Variants in VPS13C observed in about 807,000 individuals in gnomAD.
VPS13C encodes intermembrane lipid transfer protein VPS13C.
Under a neutral mutation model 456.8 loss-of-function variants are expected in VPS13C, and 358 were observed. That is an observed-to-expected ratio of 0.78 (90% CI 0.72 to 0.86). The LOEUF (loss-of-function observed/expected upper bound fraction) is 0.86, where lower values mean the gene tolerates loss of function less well. VPS13C is among the 40% of genes least tolerant of loss of function. The pLI, the probability that VPS13C is intolerant of heterozygous loss-of-function variation, is 0.00. For missense variants in VPS13C, 4,818 were observed against 4,385.4 expected (o/e 1.10, Z -2.79); for synonymous variants, 1,578 against 1,486.7 (o/e 1.06, Z -1.41).
At chr15:61,910,076 T>C (rs1033672169) in intron 64 of VPS13C, 101 bp downstream of exon 64, 1 of 640,122 alleles carries the variant, frequency 1.6e-6, no homozygotes, top group Non-Finnish European at 2.0e-6. Flanking sequence ...TGTATACATA[T>C]GTAACAAACC....
chr15:62,050,473 A>C (rs1486602507), intron 1 of VPS13C, among the ~76,000 whole-genome samples: 2 of 152,216 alleles, frequency 1.3e-5, no homozygotes, highest in Non-Finnish European at 2.9e-5. Flanking sequence ...ATAGTTTCAA[A>C]GCCAATCTTG....
In VPS13C at chr15:61,925,548, C is replaced by T; in HGVS notation, c.6517G>A (p.Val2173Ile). The T allele has an allele frequency of 6.3e-7, 1 of 1,577,374 alleles. No homozygotes were observed. The highest frequency in any genetic ancestry group is 8.6e-7 in the Non-Finnish European group (1 of 1,164,174). Residue 2173 changes from valine (V) to isoleucine (I), a missense_variant and splice_region_variant, in exon 53 of 85, where the codon GTC (valine) becomes ATC (isoleucine). Coordinates refer to ENST00000644861, the MANE Select transcript of VPS13C (RefSeq NM_020821.3). ...REKRGKNITTVLQPCSLFMEK... is the reference protein window; with the variant it reads ...REKRGKNITTILQPCSLFMEK... ...ATAAATAAAGAACAGGGCTGCAAGA[C>T]CTATAAACAGATAAATGAAATTCAC... is the stretch of plus-strand genomic sequence containing the variant.
At chr15:61,884,681 T>C (rs1335915609) in intron 67 of VPS13C, among the ~76,000 whole-genome samples, 2 of 147,602 alleles carry the variant, frequency 1.4e-5, no homozygotes, top group African/African-American at 5.2e-5. Context: ...AACAAGTCTA[T>C]TAATGAAAAA....
At chr15:61,950,658 A>G (rs570484974) in intron 40 of VPS13C, among the ~76,000 whole-genome samples, 1 of 152,152 alleles carries the variant, frequency 6.6e-6, no homozygotes, top group East Asian at 1.9e-4. Context: ...ATGCTAGTAT[A>G]TCTAGATTAG....
chr15:62,020,606 AG>A (rs1465591177), intron 8 of VPS13C, 68 bp from the exon 9 acceptor site: 1 of 1,475,656 alleles, frequency 6.8e-7, no homozygotes, highest in Non-Finnish European at 9.4e-7. Flanking sequence ...CCTTTACAAT[AG>A]GCAGCAGAGG....
rs1567137060 is a variant in VPS13C, at chr15:62,037,330, AC to A, written c.188-2279del. Among the ~76,000 whole-genome samples, 71 of 85,844 alleles carry A rather than the reference AC, an allele frequency of 8.3e-4. 5 individuals carry two copies. Among genetic ancestry groups the A allele is most frequent in the East Asian group, 2.5e-3 (9 of 3,658 alleles). 56.3% of individuals were successfully genotyped at this position (85,844 alleles called of 152,430 possible). On this transcript the variant is annotated intron_variant, in intron 3 of 84. Coordinates refer to ENST00000644861, the MANE Select transcript of VPS13C (RefSeq NM_020821.3). ...TATATAAATATATTATATATTATAT[AC>A]ATTTATATATAATATATTATATATA...
Position 61,854,242 on chromosome 15 carries a change from G to A in VPS13C, c.*215C>T, listed in dbSNP as rs1893787480. On this transcript the variant is annotated 3_prime_UTR_variant, in exon 85 of 85. Transcript: ENST00000644861. ...CTTCAAGGGTCTGACCCATTTGGGTGGTGGCGTAGAAGTGGACTGCTAGCA... is the reference window on the plus strand; with the variant it reads ...CTTCAAGGGTCTGACCCATTTGGGTAGTGGCGTAGAAGTGGACTGCTAGCA... The A allele has an allele frequency of 1.7e-6, 1 of 578,586 alleles. No homozygotes were observed. Among genetic ancestry groups the A allele is most frequent in the East Asian group, 2.8e-5 (1 of 35,286 alleles). The allele number at this position is 578,586 out of a possible 1,614,324, so 35.8% of individuals were successfully genotyped here. A position where few individuals can be genotyped will look rare whatever the true frequency, so the allele number is the denominator to read the frequency against.
In VPS13C at chr15:61,942,005, T is replaced by C; in HGVS notation, c.5211A>G (p.Ala1737=). Residue 1737 remains alanine (A), a synonymous_variant, in exon 46 of 85, where the codon GCA becomes GCG. Coordinates refer to ENST00000644861, the MANE Select transcript of VPS13C (RefSeq NM_020821.3). ...EALSTATVQA[A]ERAASSMKDL... ...CTTTCATGCTGGAAGCAGCTCTTTC[T>C]GCAGCCTGGACTGTGGCTGTACTCA... is the stretch of plus-strand genomic sequence containing the variant. 6 of 1,614,060 alleles carry C rather than the reference T, an allele frequency of 3.7e-6. No homozygotes were observed. Among genetic ancestry groups the C allele is most frequent in the Non-Finnish European group, 4.2e-6 (5 of 1,179,906 alleles).
Position 61,920,165 on chromosome 15 carries a change from T to C in VPS13C, c.7379A>G (p.Gln2460Arg). The change falls in exon 57 of 85, where the codon CAG becomes CGG. Residue 2460 changes from glutamine (Q) to arginine (R), a missense_variant. Physicochemically the swap from Gln to Arg is conservative, Grantham distance 43. Coordinates refer to ENST00000644861, the MANE Select transcript of VPS13C (RefSeq NM_020821.3). ...KSDIFDVDAG[Q>R]NLELEYASMV... ...GCTGGCATACTCCAGTTCCAAATTCTGGCCAGCATCAACATCAAAAATATC... is the reference window on the plus strand; with the variant it reads ...GCTGGCATACTCCAGTTCCAAATTCCGGCCAGCATCAACATCAAAAATATC... The C allele has an allele frequency of 6.2e-7, 1 of 1,613,638 alleles. No homozygotes were observed. The highest frequency in any genetic ancestry group is 8.5e-7 in the Non-Finnish European group (1 of 1,179,678).
At chr15:61,875,393 G>A (rs547638670) in intron 76 of VPS13C, among the ~76,000 whole-genome samples, 1 of 152,116 alleles carries the variant, frequency 6.6e-6, no homozygotes, top group African/African-American at 2.4e-5. Context: ...GAATAGGTTA[G>A]ATGACAGCTT....
chr15:62,030,814 A>C (rs1596503069), intron 5 of VPS13C, among the ~76,000 whole-genome samples: 1 of 152,152 alleles, frequency 6.6e-6, no homozygotes, highest in Non-Finnish European at 1.5e-5. Flanking sequence ...GAATGTTAAC[A>C]TCGCTAAAAA....
At chr15:61,902,309 A>C (rs2043026760) in intron 66 of VPS13C, among the ~76,000 whole-genome samples, 1 of 149,654 alleles carries the variant, frequency 6.7e-6, no homozygotes, top group Non-Finnish European at 1.5e-5. Flanking sequence ...TGTTTAAAAA[A>C]AAATGAACTA....
chr15:61,964,919 C>A, intron 30 of VPS13C, 58 bp from the exon 31 acceptor site: 1 of 1,472,310 alleles, frequency 6.8e-7, no homozygotes, highest in Middle Eastern at 1.8e-4. Context: ...CCTGTAGTCT[C>A]CACGACAGAC....
At chr15:61,907,473 G>T in intron 65 of VPS13C, 83 bp from the exon 66 acceptor site, 1 of 1,506,512 alleles carries the variant, frequency 6.6e-7, no homozygotes, top group Non-Finnish European at 8.9e-7. Flanking sequence ...GAAGGGATTA[G>T]CACAGAAGTC....
At chr15:61,950,906 A>G in intron 40 of VPS13C, 39 bp downstream of exon 40, 1 of 1,346,600 alleles carries the variant, frequency 7.4e-7, no homozygotes, top group Non-Finnish European at 1.0e-6. Flanking sequence ...AACTTCATAT[A>G]TTCAAATATT....
intron 60 of VPS13C, among the ~76,000 whole-genome samples, chr15:61,917,043 G>C (rs977892392): frequency 6.6e-6 from 1 of 152,106 alleles, no homozygotes; most frequent in Admixed American, 6.6e-5. Context: ...GGGACCTTGA[G>C]CCAGTCACTT....
At chr15:61,991,614 T>A in intron 17 of VPS13C, 59 bp downstream of exon 17, 1 of 1,520,848 alleles carries the variant, frequency 6.6e-7, no homozygotes, top group Non-Finnish European at 8.8e-7. Context: ...GAAGATATAA[T>A]TTACACAGTT....
intron 41 of VPS13C, 102 bp downstream of exon 41, chr15:61,950,254 CTG>C: frequency 1.3e-6 from 1 of 798,588 alleles, no homozygotes. Context: ...ATTATTGCCA[CTG>C]TTATTCTCAC....
rs2043457989 is a variant in VPS13C, at chr15:61,915,931, A to G, written c.8147T>C (p.Val2716Ala). 1 of 1,613,954 alleles carries G rather than the reference A, an allele frequency of 6.2e-7. No individual in the cohort carries two copies. Among genetic ancestry groups the G allele is most frequent in the Admixed American group, 1.7e-5 (1 of 59,978 alleles). Reference sequence around the variant, plus strand: ...ATTCCAGTTTTTGCCCTGGTATTTCACCAGGACTAATTCCATTATTTCACC... The same window carrying G: ...ATTCCAGTTTTTGCCCTGGTATTTCGCCAGGACTAATTCCATTATTTCACC... Reference protein sequence around the residue: ...ISGEIMELVLVKYQGKNWNGH... With the variant: ...ISGEIMELVLAKYQGKNWNGH... Residue 2716 changes from valine to alanine, a missense_variant, in exon 61 of 85, where the codon GTG (valine) becomes GCG (alanine). Transcript: ENST00000644861.
Sources: gnomAD v4.1 joint callset for allele counts (sites outside exome capture counted in the v4.1 genomes callset) on GRCh38, gnomAD v4.1.1 for gene constraint, MANE v1.5 for transcripts, NCBI Gene and HGNC (gene_info 2026-07-23, HGNC 2026-07-21) for gene names.